The following LRP1B variants were observed in gnomAD, a reference collection of about 807,000 sequenced individuals.
The protein encoded by LRP1B is LDL receptor related protein 1B.
LRP1B carries 217 observed loss-of-function variants against 556.6 expected under a neutral mutation model. That is an observed-to-expected ratio of 0.39 (90% CI 0.35 to 0.44). The LOEUF (loss-of-function observed/expected upper bound fraction) is 0.44, where lower values mean the gene tolerates loss of function less well. LRP1B is among the 20% of genes least tolerant of loss of function. LRP1B has a pLI of 1.00. For synonymous variants in LRP1B, 2,047 were observed against 1,865.8 expected, an observed-to-expected ratio of 1.10 and a Z score of -2.50; for missense variants, 5,053 against 5,620.8, an observed-to-expected ratio of 0.90 and a Z score of 3.23.
intron 2 of LRP1B, among the ~76,000 whole-genome samples, chr2:141,519,404 A>ATATATATATAT (rs1559118212): frequency 1.6e-3 from 15 of 9,388 alleles, no homozygotes; most frequent in African/African-American, 4.4e-3. Context: ...TATATATATG[A>ATATATATATAT]AATGCAATAT....
intron 3 of LRP1B, among the ~76,000 whole-genome samples, chr2:141,454,447 G>C (rs1681552006): frequency 6.6e-6 from 1 of 152,070 alleles, no homozygotes; most frequent in African/African-American, 2.4e-5. Context: ...TGCGTGCACT[G>C]CCCTACTCAG....
At chr2:142,078,898 A>T (rs1273380673) in intron 1 of LRP1B, among the ~76,000 whole-genome samples, 2 of 152,134 alleles carry the variant, frequency 1.3e-5, no homozygotes, top group Admixed American at 1.3e-4. Flanking sequence ...AGTCTCACAT[A>T]TAGTAGAGAA....
At chr2:141,227,281 G>A (rs778592550) in intron 6 of LRP1B, among the ~76,000 whole-genome samples, 6 of 152,118 alleles carry the variant, frequency 3.9e-5, no homozygotes, top group South Asian at 2.1e-4. Context: ...ATTCTACTGC[G>A]CAACTTAGTG....
At chr2:141,451,328 G>A (rs1442427154) in intron 3 of LRP1B, among the ~76,000 whole-genome samples, 1 of 152,150 alleles carries the variant, frequency 6.6e-6, no homozygotes, top group Non-Finnish European at 1.5e-5. Flanking sequence ...AACTGGTAGT[G>A]TCAATTTAAA....
intron 3 of LRP1B, among the ~76,000 whole-genome samples, chr2:141,390,942 C>T (rs7560169): frequency 0.28 from 42,029 of 151,918 alleles, 6,556 homozygotes; most frequent in East Asian, 0.69. Context: ...AGAAATATGA[C>T]ATCACATCTG....
At chr2:141,275,998 A>C (rs6756546) in intron 3 of LRP1B, among the ~76,000 whole-genome samples, 18 of 151,970 alleles carry the variant, frequency 1.2e-4, no homozygotes, top group Admixed American at 1.1e-3. Context: ...CCTCTCTATA[A>C]GTTTTCACAT....
chr2:141,418,524 T>C, intron 3 of LRP1B, among the ~76,000 whole-genome samples: 1 of 151,878 alleles, frequency 6.6e-6, no homozygotes. Flanking sequence ...TGGGCACTCT[T>C]GTCAAAGATC....
intron 1 of LRP1B, among the ~76,000 whole-genome samples, chr2:141,957,217 C>T (rs896766918): frequency 7.9e-5 from 12 of 151,996 alleles, no homozygotes; most frequent in South Asian, 2.1e-4. Flanking sequence ...GTTTGAATGA[C>T]GAGACAACTC....
chr2:141,351,155 T>G (rs1379246951), intron 3 of LRP1B, among the ~76,000 whole-genome samples: 1 of 152,018 alleles, frequency 6.6e-6, no homozygotes, highest in Non-Finnish European at 1.5e-5. Flanking sequence ...GCATGATGGA[T>G]ATAAGCACTG....
At chr2:141,339,091 T>C (rs1000130422) in intron 3 of LRP1B, among the ~76,000 whole-genome samples, 3 of 152,168 alleles carry the variant, frequency 2.0e-5, no homozygotes, top group East Asian at 3.9e-4. Context: ...ACAGGAATCA[T>C]GCTACTTTCC....
intron 3 of LRP1B, among the ~76,000 whole-genome samples, chr2:141,452,537 TC>T (rs1237968291): frequency 6.6e-6 from 1 of 152,232 alleles, no homozygotes; most frequent in Non-Finnish European, 1.5e-5. Flanking sequence ...ATGTAGTATA[TC>T]TTTTCATTAG....
intron 31 of LRP1B, among the ~76,000 whole-genome samples, chr2:140,817,946 C>T (rs1424380323): frequency 2.6e-5 from 4 of 151,930 alleles, no homozygotes; most frequent in African/African-American, 7.3e-5. Context: ...ATCCCAGAGC[C>T]CCAGTCCACA....
Position 140,246,986 on chromosome 2 carries a change from C to T in LRP1B, c.13324+100G>A, listed in dbSNP as rs2104898651. 6.3e-6 allele frequency: 5 copies of T among 796,266 alleles called. No homozygotes were observed. In the South Asian group the frequency reaches 6.4e-5, roughly 10 times the overall value. 49.3% of individuals were successfully genotyped at this position (796,266 alleles called of 1,614,324 possible). ...ATTGCAGTGGATCTCTTATAAAATT[C>T]CATGAAGAAAGTGTTCTAAGACTCA... is the stretch of plus-strand genomic sequence containing the variant. On this transcript the variant is annotated intron_variant, in intron 87 of 90. Coordinates refer to ENST00000389484, the MANE Select transcript of LRP1B (RefSeq NM_018557.3).
At chr2:140,390,695 A>G (rs1683976231) in intron 66 of LRP1B, among the ~76,000 whole-genome samples, 1 of 152,002 alleles carries the variant, frequency 6.6e-6, no homozygotes, top group African/African-American at 2.4e-5. Context: ...TATCTTAGAA[A>G]GGAATTATCC....
At chr2:141,209,738 C>T (rs1017762331) in intron 6 of LRP1B, among the ~76,000 whole-genome samples, 3 of 151,956 alleles carry the variant, frequency 2.0e-5, no homozygotes, top group Admixed American at 6.6e-5. Flanking sequence ...CTACTGTAAG[C>T]AGTTAAGAGG....
rs914333108 is a variant in LRP1B, at chr2:140,514,830, C to T, written c.8150-58G>A. 1.4e-5 allele frequency: 20 copies of T among 1,449,384 alleles called. No individual in the cohort carries two copies. In the East Asian group the frequency reaches 2.7e-4, roughly 19 times the overall value. 89.8% of individuals were successfully genotyped at this position (1,449,384 alleles called of 1,614,324 possible). A position where few individuals can be genotyped will look rare whatever the true frequency, so the allele number is the denominator to read the frequency against. ...GTTTGAGACCGTCTTACAACAGATC[C>T]GACAGTGAGAAGATTCTTTCTTAGA... On this transcript the variant is annotated intron_variant, in intron 50 of 90. Transcript: ENST00000389484.
rs1470227517 is a variant in LRP1B at position 141,480,524 on chromosome 2, T to A, written c.215A>T (p.Glu72Val). The A allele has an allele frequency of 1.2e-6, 2 of 1,613,704 alleles. No homozygotes were observed. Among genetic ancestry groups the A allele is most frequent in the African/African-American group, 1.3e-5 (1 of 74,878 alleles). The change falls in exon 3 of 91, where the codon GAG (glutamate) becomes GTG (valine). Residue 72 changes from glutamate (E) to valine (V), a missense_variant. Around this residue, in one of 5 missense-constraint regions of LRP1B, gnomAD observed 3,619 missense variants for 3,931.9 expected, o/e 0.92. Transcript: ENST00000389484. ...ATTCAAGGGGCACTTGATTTCTACCTCCTCGGGACCTGAAAAGATGTAAAA... is the reference window on the plus strand; with the variant it reads ...ATTCAAGGGGCACTTGATTTCTACCACCTCGGGACCTGAAAAGATGTAAAA... ...SDESLDTCPEEVEIKCPLNHI... is the reference protein window; with the variant it reads ...SDESLDTCPEVVEIKCPLNHI...
At chr2:142,074,075 T>C (rs1480996286) in intron 1 of LRP1B, among the ~76,000 whole-genome samples, 1 of 152,096 alleles carries the variant, frequency 6.6e-6, no homozygotes, top group South Asian at 2.1e-4. Flanking sequence ...CTTGCCACTC[T>C]CCTGTACCTT....
intron 84 of LRP1B, among the ~76,000 whole-genome samples, chr2:140,278,343 C>T (rs1265315388): frequency 6.6e-6 from 1 of 151,958 alleles, no homozygotes; most frequent in Admixed American, 6.6e-5. Flanking sequence ...GATTTTTAAA[C>T]TTTTCTGTGT....
Sources: allele counts gnomAD v4.1 joint callset (sites outside exome capture counted in the v4.1 genomes callset), GRCh38; gene constraint gnomAD v4.1.1; regional missense constraint gnomAD v4.1.1; transcripts MANE v1.5; gene names NCBI Gene and HGNC (gene_info 2026-07-23, HGNC 2026-07-21).